Variants in TTYH2 observed in about 807,000 individuals in gnomAD.
TTYH2 encodes protein tweety homolog 2.
Under a neutral mutation model 68.3 loss-of-function variants are expected in TTYH2, and 49 were observed. The ratio of observed to expected loss-of-function variants is 0.72; its 90% CI spans 0.57 to 0.91. The LOEUF (loss-of-function observed/expected upper bound fraction) is 0.91. TTYH2 is among the 40% of genes least tolerant of loss of function. TTYH2 has a pLI of 0.00. For missense variants in TTYH2, 631 were observed against 700.4 expected (o/e 0.90, Z 1.12); for synonymous variants, 272 against 300.8 (o/e 0.90, Z 0.99).
chr17:74,225,464 T>A (rs2050320567), intron 2 of TTYH2, among the ~76,000 whole-genome samples: 1 of 152,146 alleles, frequency 6.6e-6, no homozygotes, highest in Non-Finnish European at 1.5e-5. Context: ...AGAGGTAGCG[T>A]GACCCGATAA....
chr17:74,257,550 G>A (rs533990614), intron 13 of TTYH2, among the ~76,000 whole-genome samples: 32 of 152,310 alleles, frequency 2.1e-4, no homozygotes, highest in Admixed American at 1.4e-3. Flanking sequence ...TCCCTCTGCC[G>A]AGCACCCTCT....
At chr17:74,234,109 A>G (rs888681784) in intron 3 of TTYH2, among the ~76,000 whole-genome samples, 1 of 152,164 alleles carries the variant, frequency 6.6e-6, no homozygotes, top group South Asian at 2.1e-4. Context: ...AATCACCTGG[A>G]AGGGTTGGTA....
At position 74,252,329 on chromosome 17, in the gene TTYH2, C is replaced by T; in HGVS notation, c.1212C>T (p.Ser404=). The T allele has an allele frequency of 6.2e-7, 1 of 1,613,986 alleles. No individual in the cohort carries two copies. The highest frequency in any genetic ancestry group is 8.5e-7 in the Non-Finnish European group (1 of 1,180,034). The change falls in exon 11 of 14, where the codon TCC becomes TCT. Residue 404 remains serine, a synonymous_variant. Coordinates refer to ENST00000269346, the MANE Select transcript of TTYH2 (RefSeq NM_032646.6). ...CCTTCCTGGCCGCCCTCGCCTTCTC[C>T]ACCATGATCTGTGCAGGGCCAAGGG... is the stretch of plus-strand genomic sequence containing the variant. The part of the protein sequence containing the change: ...LFSFLAALAF[S]TMICAGPRAW...
chr17:74,252,606 G>C (rs980733340), intron 11 of TTYH2, among the ~76,000 whole-genome samples: 4 of 152,244 alleles, frequency 2.6e-5, no homozygotes, highest in Non-Finnish European at 5.9e-5. Context: ...CTGGGGCCCA[G>C]GGTGGTGACA....
At chr17:74,221,237 C>T (rs2050272555) in intron 1 of TTYH2, among the ~76,000 whole-genome samples, 1 of 152,200 alleles carries the variant, frequency 6.6e-6, no homozygotes, top group Non-Finnish European at 1.5e-5. Flanking sequence ...TGTCAGAGGC[C>T]CGAAGACCTG....
rs979273119 is a variant in TTYH2 at position 74,215,897 on chromosome 17, G to A, written c.129+2181G>A. 1.9e-4 allele frequency among the ~76,000 whole-genome samples: 29 copies of A among 152,246 alleles called. No individual in the cohort carries two copies. The highest frequency in any genetic ancestry group is 4.1e-4 in the Non-Finnish European group (28 of 68,042). On this transcript the variant is annotated intron_variant, in intron 1 of 13. Transcript: ENST00000269346. The surrounding 1 kb of genome is among the most constrained non-coding windows in gnomAD (Gnocchi z 4.3). ...AGGCAGCAGGTCTTCAGGAGAAATT[G>A]CTGGGGATTTTCTGCGGCTGGGCTC...
intron 3 of TTYH2, among the ~76,000 whole-genome samples, chr17:74,233,423 CACTCA>C (rs1309814636): frequency 6.6e-6 from 1 of 152,224 alleles, no homozygotes; most frequent in Non-Finnish European, 1.5e-5. Context: ...CTGTAAAGTA[CACTCA>C]GCTGTATGAC....
intron 13 of TTYH2, among the ~76,000 whole-genome samples, chr17:74,259,268 G>C (rs952135639): frequency 6.6e-6 from 1 of 152,046 alleles, no homozygotes; most frequent in Admixed American, 6.6e-5. Context: ...GAAGTGCAGT[G>C]GTGTGATCTT....
At chr17:74,226,956 C>G (rs1159676793) in intron 2 of TTYH2, among the ~76,000 whole-genome samples, 1 of 151,980 alleles carries the variant, frequency 6.6e-6, no homozygotes, top group Non-Finnish European at 1.5e-5. Context: ...CCTTTCTTTT[C>G]TCTTCCTTTC....
At chr17:74,224,270 G>C (rs1017957870) in intron 2 of TTYH2, among the ~76,000 whole-genome samples, 3 of 152,166 alleles carry the variant, frequency 2.0e-5, no homozygotes, top group African/African-American at 7.2e-5. Flanking sequence ...GCATGGTAGT[G>C]CATGCTTGTA....
intron 5 of TTYH2, 63 bp from the exon 6 acceptor site, chr17:74,243,914 T>TGGGGGGGGGGGGGGGGGGGGGG: frequency 1.7e-6 from 2 of 1,203,948 alleles, no homozygotes; most frequent in East Asian, 4.4e-5. Flanking sequence ...GCAGGGTGGG[T>TGGGGGGGGGGGGGGGGGGGGGG]GGGGTGATGG....
Position 74,250,367 on chromosome 17 carries a change from G to A in TTYH2, c.1116+10G>A, listed in dbSNP as rs1201261100. 1 of 1,610,638 alleles carries A rather than the reference G, an allele frequency of 6.2e-7. No homozygotes were observed. The highest frequency in any genetic ancestry group is 8.5e-7 in the Non-Finnish European group (1 of 1,177,790). On this transcript the variant is annotated intron_variant, in intron 10 of 13. Coordinates refer to ENST00000269346, the MANE Select transcript of TTYH2 (RefSeq NM_032646.6). Reference sequence around the variant, plus strand: ...CCGAGGGCTGCACAAGGTGCATGGGGACCCTGGGGTCACGTGGAGAGTGTG... The same window carrying A: ...CCGAGGGCTGCACAAGGTGCATGGGAACCCTGGGGTCACGTGGAGAGTGTG...
At chr17:74,257,894 C>T (rs1027175981) in intron 13 of TTYH2, among the ~76,000 whole-genome samples, 45 of 152,078 alleles carry the variant, frequency 3.0e-4, no homozygotes, top group African/African-American at 1.1e-3. Context: ...TGCCTCATGC[C>T]TGTAATCCCA....
At position 74,247,107 on chromosome 17, in the gene TTYH2, G is replaced by A. The variant is rs146032364; in HGVS notation, c.805-1904G>A. Among the ~76,000 whole-genome samples, 414 of 151,118 alleles carry A rather than the reference G, an allele frequency of 2.7e-3. 3 individuals carry two copies. The highest frequency in any genetic ancestry group is 9.6e-3 in the African/African-American group (394 of 41,052). ...TGAGGCAGGAGGATTGCTTGAACCCGGGAGGTGGACGTTGCAGTGAGCCAA... is the reference window on the plus strand; with the variant it reads ...TGAGGCAGGAGGATTGCTTGAACCCAGGAGGTGGACGTTGCAGTGAGCCAA... On this transcript the variant is annotated intron_variant, in intron 6 of 13. Transcript: ENST00000269346.
chr17:74,244,067 G>A lies in TTYH2; in HGVS notation c.804+18G>A. 6.2e-7 allele frequency: 1 copy of A among 1,605,486 alleles called. No individual in the cohort carries two copies. Among genetic ancestry groups the A allele is most frequent in the Non-Finnish European group, 8.5e-7 (1 of 1,177,256 alleles). ...CGGCAGTGGTGAGTTGGGGGAGGGA[G>A]TGGGTGGTGGGTGGTGGTTGGTCTG... On this transcript the variant is annotated intron_variant, in intron 6 of 13. Coordinates refer to ENST00000269346, the MANE Select transcript of TTYH2 (RefSeq NM_032646.6).
intron 10 of TTYH2, among the ~76,000 whole-genome samples, chr17:74,251,507 TG>T (rs1567820814): frequency 1.3e-5 from 2 of 151,836 alleles, no homozygotes; most frequent in Non-Finnish European, 1.5e-5. Context: ...CAGTCACCCC[TG>T]TCTCCTCTCT....
rs1307877455 is a variant in TTYH2 at position 74,239,498 on chromosome 17, C to T, written c.635+1984C>T. On this transcript the variant is annotated intron_variant, in intron 4 of 13. Coordinates refer to ENST00000269346, the MANE Select transcript of TTYH2 (RefSeq NM_032646.6). The surrounding 1 kb of genome is among the most constrained non-coding windows in gnomAD (Gnocchi z 5.3). ...ACTTCTGTTTTCTGGATTTGTGTCC[C>T]CTTGTGTCATAAAGCCCCACTCCAG... Among the ~76,000 whole-genome samples, 1 of 152,172 alleles carries T rather than the reference C, an allele frequency of 6.6e-6. No individual in the cohort carries two copies. Among genetic ancestry groups the T allele is most frequent in the Non-Finnish European group, 1.5e-5 (1 of 68,026 alleles).
Position 74,235,668 on chromosome 17 carries a change from T to A in TTYH2, c.415-1626T>A, listed in dbSNP as rs570173505. ...ATTTTGGGAGGCCGAGGTGGGTGGA[T>A]CACTTGAGGCCAGGAGCTCGAGAGA... is the stretch of plus-strand genomic sequence containing the variant. On this transcript the variant is annotated intron_variant, in intron 3 of 13. Coordinates refer to ENST00000269346, the MANE Select transcript of TTYH2 (RefSeq NM_032646.6). Among the ~76,000 whole-genome samples the A allele has an allele frequency of 2.0e-5, 3 of 151,916 alleles. No homozygotes were observed. In the South Asian group the frequency reaches 6.2e-4, roughly 31 times the overall value.
At chr17:74,259,548 A>G (rs887808644) in intron 13 of TTYH2, among the ~76,000 whole-genome samples, 1 of 152,130 alleles carries the variant, frequency 6.6e-6, no homozygotes, top group African/African-American at 2.4e-5. Context: ...ACATATTTAT[A>G]TACTAGTGGA....
Sources: gnomAD v4.1 joint callset for allele counts (sites outside exome capture counted in the v4.1 genomes callset) on GRCh38, gnomAD v4.1.1 for gene constraint, Gnocchi (gnomAD v3.1) non-coding constraint, MANE v1.5 for transcripts, NCBI Gene and HGNC (gene_info 2026-07-23, HGNC 2026-07-21) for gene names.